NBAS: variants seen among roughly 807,000 people sequenced by gnomAD.
NBAS encodes the protein NAG/BC035112 fusion.
Under a neutral mutation model 302.5 loss-of-function variants are expected in NBAS, and 219 were observed. The observed-to-expected ratio is 0.72, with a 90% CI of 0.65 to 0.81. The LOEUF (loss-of-function observed/expected upper bound fraction) is 0.81. Ranked by LOEUF, NBAS falls within the 30% of genes least tolerant of loss-of-function variation. NBAS has a pLI of 0.00. For synonymous variants in NBAS, 1,118 were observed against 1,021.6 expected (o/e 1.09, Z -1.80); for missense variants, 2,932 against 2,841.6 (o/e 1.03, Z -0.72).
intron 29 of NBAS, among the ~76,000 whole-genome samples, chr2:15,380,484 AATGCT>A (rs1257347477): frequency 6.6e-6 from 1 of 152,142 alleles, no homozygotes; most frequent in Non-Finnish European, 1.5e-5. Flanking sequence ...CCACTCCACA[AATGCT>A]ATACTTACAA....
At chr2:14,894,323 C>T in the NBAS span, among the ~76,000 whole-genome samples, 1 of 152,126 alleles carries the variant, frequency 6.6e-6, no homozygotes, top group East Asian at 1.9e-4. Flanking sequence ...GCCAGTGATG[C>T]AATCCAGAAT....
At chr2:15,444,897 T>A (rs925491895) in intron 21 of NBAS, among the ~76,000 whole-genome samples, 4 of 151,514 alleles carry the variant, frequency 2.6e-5, no homozygotes, top group African/African-American at 9.7e-5. Context: ...AAAAAACACA[T>A]GAAAAAATGC....
Position 15,309,258 on chromosome 2 carries a change from A to T in NBAS, c.4583-11T>A. On this transcript the variant is annotated splice_polypyrimidine_tract_variant and intron_variant, in intron 38 of 51. Coordinates refer to ENST00000281513, the MANE Select transcript of NBAS (RefSeq NM_015909.4). ...CTAGTTGCAAGAGAACTGAATGCAG[A>T]AAAAGAAACATTATTTTACTGAGGT... is the stretch of plus-strand genomic sequence containing the variant. 1.2e-6 allele frequency: 2 copies of T among 1,603,528 alleles called. No homozygotes were observed. Among genetic ancestry groups the T allele is most frequent in the Non-Finnish European group, 1.7e-6 (2 of 1,171,902 alleles).
chr2:15,516,976 T>G (rs1185264664), intron 9 of NBAS, among the ~76,000 whole-genome samples: 1 of 152,156 alleles, frequency 6.6e-6, no homozygotes, highest in Non-Finnish European at 1.5e-5. Context: ...CTAGCGAGAT[T>G]GCAAATTGAA....
intron 25 of NBAS, among the ~76,000 whole-genome samples, chr2:15,411,757 G>A (rs922495541): frequency 1.3e-5 from 2 of 152,112 alleles, no homozygotes; most frequent in Non-Finnish European, 2.9e-5. Flanking sequence ...ATTGTCAAAC[G>A]CATACTCCAG....
At chr2:14,945,494 G>T in the NBAS span, among the ~76,000 whole-genome samples, 1 of 152,066 alleles carries the variant, frequency 6.6e-6, no homozygotes, top group South Asian at 2.1e-4. Flanking sequence ...CTCTGATCAA[G>T]AATTCAAAAC....
intron 35 of NBAS, among the ~76,000 whole-genome samples, chr2:15,348,413 T>C (rs1387538362): frequency 6.6e-6 from 1 of 152,158 alleles, no homozygotes; most frequent in Non-Finnish European, 1.5e-5. Context: ...ATGTGCCCAC[T>C]TGCAGTAACA....
the NBAS span, among the ~76,000 whole-genome samples, chr2:14,820,301 G>A: frequency 6.6e-5 from 10 of 152,222 alleles, no homozygotes; most frequent in Admixed American, 2.0e-4. Context: ...AGAAAATGTG[G>A]TACATATACC....
the NBAS span, among the ~76,000 whole-genome samples, chr2:14,789,312 C>A: frequency 6.6e-6 from 1 of 152,188 alleles, no homozygotes; most frequent in Non-Finnish European, 1.5e-5. Flanking sequence ...CACCCTGCTT[C>A]GGCTGGCACA....
chr2:15,467,382 A>C lies in NBAS; in HGVS notation c.2044T>G (p.Cys682Gly). The change falls in exon 19 of 52, where the codon TGC (cysteine) becomes GGC (glycine). Residue 682 changes from cysteine (C) to glycine (G), a missense_variant. By Grantham distance (159) the Cys-to-Gly change is radical. Coordinates refer to ENST00000281513, the MANE Select transcript of NBAS (RefSeq NM_015909.4). ...SKLTLEQKEL[C>G]RCRRKLLTYL... The stretch of plus-strand genomic sequence containing the variant: ...GTTAATAACTTCCGTCTACAACGGC[A>C]AAGTTCCTTTTGTTCCAGTGTCAAC... 6.2e-7 allele frequency: 1 copy of C among 1,613,560 alleles called. No individual in the cohort carries two copies. Among genetic ancestry groups the C allele is most frequent in the Non-Finnish European group, 8.5e-7 (1 of 1,179,600 alleles).
intron 35 of NBAS, among the ~76,000 whole-genome samples, chr2:15,342,166 T>C (rs1230591156): frequency 6.6e-6 from 1 of 152,136 alleles, no homozygotes; most frequent in Non-Finnish European, 1.5e-5. Context: ...AGAGCAACAC[T>C]AGCATGAATA....
At chr2:15,069,072 T>A in the NBAS span, among the ~76,000 whole-genome samples, 5 of 152,154 alleles carry the variant, frequency 3.3e-5, no homozygotes, top group Non-Finnish European at 5.9e-5. Flanking sequence ...AATCCACAAA[T>A]GGATTAATGC....
At position 15,374,603 on chromosome 2, in the gene NBAS, C is replaced by T. The variant is rs753569695; in HGVS notation, c.3703+5G>A. 6.2e-7 allele frequency: 1 copy of T among 1,608,106 alleles called. No individual in the cohort carries two copies. Among genetic ancestry groups the T allele is most frequent in the South Asian group, 1.1e-5 (1 of 90,956 alleles). On this transcript the variant is annotated splice_donor_5th_base_variant and intron_variant, in intron 31 of 51. Transcript: ENST00000281513. The stretch of plus-strand genomic sequence containing the variant: ...TAACAATGCAACAGTAAGTAGAAAA[C>T]TCACCTTGCAAAGGCAGGATCTTTA...
the NBAS span, among the ~76,000 whole-genome samples, chr2:14,847,802 C>T: frequency 1.3e-5 from 2 of 152,316 alleles, no homozygotes; most frequent in African/African-American, 2.4e-5. Context: ...ATTTACACAA[C>T]ATTTCATCCA....
At chr2:15,491,782 ATTTCTTCGAATCTTCAT>A (rs1272726808) in intron 11 of NBAS, among the ~76,000 whole-genome samples, 5 of 152,204 alleles carry the variant, frequency 3.3e-5, no homozygotes, top group South Asian at 2.1e-4. Flanking sequence ...AGGTTTACCC[ATTTCTTCGAATCTTCAT>A]TTCCTTATGA....
intron 47 of NBAS, among the ~76,000 whole-genome samples, chr2:15,219,850 A>C (rs1456194802): frequency 6.9e-6 from 1 of 145,752 alleles, no homozygotes; most frequent in Non-Finnish European, 1.5e-5. Context: ...CACACCTCCC[A>C]GACGGGGTCG....
At chr2:15,541,180 A>T (rs1356324419) in intron 6 of NBAS, among the ~76,000 whole-genome samples, 1 of 152,148 alleles carries the variant, frequency 6.6e-6, no homozygotes, top group Admixed American at 6.5e-5. Context: ...CCTCTTTCAT[A>T]GCATTTATCA....
chr2:15,119,711 G>A, the NBAS span, among the ~76,000 whole-genome samples: 3 of 152,266 alleles, frequency 2.0e-5, no homozygotes, highest in Non-Finnish European at 2.9e-5. Flanking sequence ...TGTGGGAAGG[G>A]CAGGATGGAA....
At chr2:14,963,572 C>T in the NBAS span, among the ~76,000 whole-genome samples, 1 of 152,184 alleles carries the variant, frequency 6.6e-6, no homozygotes, top group Non-Finnish European at 1.5e-5. Flanking sequence ...CTTCTGGGAA[C>T]CTGGAATTCT....
Sources: gnomAD v4.1 joint callset for allele counts (sites outside exome capture counted in the v4.1 genomes callset) on GRCh38, gnomAD v4.1.1 for gene constraint, MANE v1.5 for transcripts, NCBI Gene and HGNC (gene_info 2026-07-23, HGNC 2026-07-21) for gene names.